The following ENPP6 variants were observed in gnomAD, a reference collection of about 807,000 sequenced individuals.
ENPP6 encodes the protein ectonucleotide pyrophosphatase/phosphodiesterase 6.
A neutral mutation model predicts 42.0 loss-of-function variants in ENPP6; 32 were observed. The ratio of observed to expected loss-of-function variants is 0.76; its 90% CI spans 0.58 to 1.02. The LOEUF (loss-of-function observed/expected upper bound fraction) is 1.02. Among genes scored for constraint, ENPP6 ranks in the 50% least tolerant of loss-of-function variants. The pLI is 0.00. For synonymous variants in ENPP6, 213 were observed against 216.0 expected (o/e 0.99, Z 0.12); for missense variants, 552 against 566.8 (o/e 0.97, Z 0.27).
Position 184,112,804 on chromosome 4 carries a change from A to G in ENPP6, c.861T>C (p.Tyr287=), listed in dbSNP as rs777964667. ...WPAPGKHSEI[Y]NKLSTVEHMT... Reference sequence around the variant, plus strand: ...TGTGTTCCACTGTGCTCAGTTTGTTATATATCTGCAAAGAAAATCAAGAGT... The same window carrying G: ...TGTGTTCCACTGTGCTCAGTTTGTTGTATATCTGCAAAGAAAATCAAGAGT... Residue 287 remains tyrosine (Y), a synonymous_variant, in exon 6 of 8, where the codon TAT becomes TAC. Transcript: ENST00000296741. The G allele has an allele frequency of 2.5e-6, 4 of 1,612,446 alleles. No individual in the cohort carries two copies. The highest frequency in any genetic ancestry group is 2.2e-5 in the East Asian group (1 of 44,850).
chr4:184,122,806 C>A (rs1192966632), intron 3 of ENPP6, among the ~76,000 whole-genome samples: 1 of 152,216 alleles, frequency 6.6e-6, no homozygotes, highest in Non-Finnish European at 1.5e-5. Flanking sequence ...TTGGCACAGC[C>A]ATGGCCTGTG....
intron 6 of ENPP6, among the ~76,000 whole-genome samples, chr4:184,104,428 G>T (rs1250188218): frequency 6.6e-6 from 1 of 152,174 alleles, no homozygotes; most frequent in Non-Finnish European, 1.5e-5. Flanking sequence ...CATGTTCTAC[G>T]ATCTTTCACC....
intron 3 of ENPP6, among the ~76,000 whole-genome samples, chr4:184,118,421 T>C (rs780251122): frequency 1.3e-5 from 2 of 152,230 alleles, no homozygotes; most frequent in Non-Finnish European, 2.9e-5. Flanking sequence ...ATACCTCTCC[T>C]TAGTGCAGCA....
At chr4:184,096,184 A>T (rs1199291624) in intron 7 of ENPP6, among the ~76,000 whole-genome samples, 1 of 152,214 alleles carries the variant, frequency 6.6e-6, no homozygotes, top group Non-Finnish European at 1.5e-5. Context: ...AGTTCCTAAA[A>T]GGGATTTTGT....
intron 1 of ENPP6, among the ~76,000 whole-genome samples, chr4:184,170,553 CTATT>C (rs1737444628): frequency 6.6e-6 from 1 of 151,896 alleles, no homozygotes; most frequent in East Asian, 1.9e-4. Flanking sequence ...TAATTCTTGT[CTATT>C]TATTTATGGA....
intron 1 of ENPP6, among the ~76,000 whole-genome samples, chr4:184,197,777 T>G (rs1732827083): frequency 6.6e-6 from 1 of 152,216 alleles, no homozygotes; most frequent in South Asian, 2.1e-4. Context: ...CATGCTAAAA[T>G]AGACTATGAA....
intron 1 of ENPP6, among the ~76,000 whole-genome samples, chr4:184,194,053 C>T (rs1419277236): frequency 6.6e-6 from 1 of 152,120 alleles, no homozygotes; most frequent in African/African-American, 2.4e-5. Flanking sequence ...TCCTTTGATA[C>T]CTCTTCTTCC....
At chr4:184,127,740 A>T (rs1736527512) in intron 2 of ENPP6, among the ~76,000 whole-genome samples, 1 of 152,186 alleles carries the variant, frequency 6.6e-6, no homozygotes, top group African/African-American at 2.4e-5. Context: ...CTGGGTAACA[A>T]GAGCGAAACT....
intron 7 of ENPP6, among the ~76,000 whole-genome samples, 179 bp downstream of exon 7, chr4:184,097,066 A>G (rs1735923365): frequency 6.6e-6 from 1 of 152,224 alleles, no homozygotes; most frequent in Non-Finnish European, 1.5e-5. Context: ...AAACCCAAGA[A>G]GCATTTGAAA....
intron 1 of ENPP6, among the ~76,000 whole-genome samples, chr4:184,209,255 AG>A (rs1199596263): frequency 6.6e-6 from 1 of 151,112 alleles, no homozygotes; most frequent in African/African-American, 2.4e-5. Flanking sequence ...TGACGAGCTG[AG>A]AGAAGAAGGC....
intron 2 of ENPP6, among the ~76,000 whole-genome samples, chr4:184,128,199 G>A (rs1736536308): frequency 6.6e-6 from 1 of 152,188 alleles, no homozygotes; most frequent in East Asian, 1.9e-4. Flanking sequence ...ACTTTTTTTT[G>A]AGGCAGAGTC....
At position 184,091,046 on chromosome 4, in the gene ENPP6, A is replaced by T; in HGVS notation, c.*131T>A. The T allele has an allele frequency of 1.3e-6, 1 of 788,980 alleles. No individual in the cohort carries two copies. The highest frequency in any genetic ancestry group is 1.8e-6 in the Non-Finnish European group (1 of 546,040). The allele number at this position is 788,980 out of a possible 1,614,324, so 48.9% of individuals were successfully genotyped here. A position where few individuals can be genotyped will look rare whatever the true frequency, so the allele number is the denominator to read the frequency against. On this transcript the variant is annotated 3_prime_UTR_variant, in exon 8 of 8. Transcript: ENST00000296741. ...TTTATGTATAGAATTATCCAAGAATAATGTATTTACAATGTGCATGGTCTT... is the reference window on the plus strand; with the variant it reads ...TTTATGTATAGAATTATCCAAGAATTATGTATTTACAATGTGCATGGTCTT...
Position 184,153,836 on chromosome 4 carries a change from C to T in ENPP6, c.242-103G>A, listed in dbSNP as rs890035093. 1.5e-5 allele frequency: 20 copies of T among 1,294,778 alleles called. 1 individual carries two copies. The South Asian group carries it at 3.1e-4, about 20-fold the overall frequency. The allele number at this position is 1,294,778 out of a possible 1,614,324, so 80.2% of individuals were successfully genotyped here. On this transcript the variant is annotated intron_variant, in intron 1 of 7. Transcript: ENST00000296741. ...GCCATTCGTGCTCGTTTAGGAAGTA[C>T]AGAACAGCATAAAGATTTGCTTTTG...
chr4:184,098,997 C>T (rs1011758462), intron 6 of ENPP6, among the ~76,000 whole-genome samples: 4 of 152,196 alleles, frequency 2.6e-5, no homozygotes, highest in East Asian at 1.9e-4. Context: ...CCAAGCAGTT[C>T]GCCATAAGCT....
intron 6 of ENPP6, among the ~76,000 whole-genome samples, chr4:184,109,166 G>A (rs561031214): frequency 4.6e-5 from 7 of 151,972 alleles, no homozygotes; most frequent in South Asian, 2.1e-4. Context: ...AGCTGAGATC[G>A]CACCACCGCA....
At chr4:184,183,583 G>A (rs1352751402) in intron 1 of ENPP6, among the ~76,000 whole-genome samples, 2 of 152,194 alleles carry the variant, frequency 1.3e-5, no homozygotes, top group Non-Finnish European at 2.9e-5. Flanking sequence ...CACTAGGTCA[G>A]TGGTGTTCCT....
chr4:184,209,648 T>G (rs928586510), intron 1 of ENPP6, among the ~76,000 whole-genome samples: 2 of 150,380 alleles, frequency 1.3e-5, no homozygotes, highest in African/African-American at 2.5e-5. Context: ...TGGAACCAAG[T>G]TGGAAAACAC....
At position 184,119,811 on chromosome 4, in the gene ENPP6, C is replaced by A. The variant is rs138128629; in HGVS notation, c.534-1911G>T. Among the ~76,000 whole-genome samples the A allele has an allele frequency of 5.1e-4, 78 of 152,174 alleles. 1 individual carries two copies. The East Asian group carries it at 0.013, about 26-fold the overall frequency. On this transcript the variant is annotated intron_variant, in intron 3 of 7. Coordinates refer to ENST00000296741, the MANE Select transcript of ENPP6 (RefSeq NM_153343.4). ...ATCTGATGGTTTTATAAAGGGATTT[C>A]CCCCCTTTTGCTTGGCACTTCTCCT...
intron 2 of ENPP6, among the ~76,000 whole-genome samples, chr4:184,152,794 T>C (rs971570394): frequency 1.3e-5 from 2 of 152,316 alleles, no homozygotes; most frequent in African/African-American, 2.4e-5. Context: ...ACTTACCTCG[T>C]TGAGCTAGGA....
Sources: allele counts gnomAD v4.1 joint callset (sites outside exome capture counted in the v4.1 genomes callset), GRCh38; gene constraint gnomAD v4.1.1; transcripts MANE v1.5; gene names NCBI Gene and HGNC (gene_info 2026-07-23, HGNC 2026-07-21).